Variants in ADAD2 observed in about 807,000 individuals in gnomAD.
The protein encoded by ADAD2 is adenosine deaminase domain containing 2.
In ADAD2, 60 loss-of-function variants were observed where a neutral mutation model predicts 54.5. The ratio of observed to expected loss-of-function variants is 1.10; its 90% CI spans 0.89 to 1.36. The LOEUF is 1.36. Among genes scored for constraint, ADAD2 ranks in the 40% most tolerant of loss-of-function variants. The probability of loss-of-function intolerance (pLI) is 0.00; values close to 1 mark genes in which losing one functional copy is unlikely to be tolerated. For missense variants in ADAD2, 1,103 were observed against 801.3 expected (o/e 1.38, Z -4.54); for synonymous variants, 543 against 366.2 (o/e 1.48, Z -5.51).
In ADAD2 at chr16:84,193,817, G is replaced by A. The variant is rs1285208363; in HGVS notation, c.419-625G>A. On this transcript the variant is annotated intron_variant, in intron 1 of 9. Transcript: ENST00000315906. ...CTGTTTAGAGCAGACAGATCTCAGC[G>A]CAGTGGGGAGTGCTGAAATGGGTTC... is the stretch of plus-strand genomic sequence containing the variant. 6.9e-6 allele frequency: 4 copies of A among 576,852 alleles called. No homozygotes were observed. In the East Asian group the frequency reaches 8.7e-5, roughly 13 times the overall value. 35.7% of individuals were successfully genotyped at this position (576,852 alleles called of 1,614,324 possible).
chr16:84,191,257 C>T lies in ADAD2; in HGVS notation c.27C>T (p.Asp9=), dbSNP rs746558486. 18 of 1,606,742 alleles carry T rather than the reference C, an allele frequency of 1.1e-5. No homozygotes were observed. Among genetic ancestry groups the T allele is most frequent in the African/African-American group, 4.0e-5 (3 of 74,890 alleles). The change falls in exon 1 of 10, where the codon GAC becomes GAT. Residue 9 remains aspartate (D), a synonymous_variant. Transcript: ENST00000315906. The part of the protein sequence containing the change: MASASQGA[D]DDGSRRKPRL... ...TGGCTTCGGCTTCTCAGGGCGCTGACGACGACGGCAGTCGTAGGAAGCCCC... is the reference window on the plus strand; with the variant it reads ...TGGCTTCGGCTTCTCAGGGCGCTGATGACGACGGCAGTCGTAGGAAGCCCC...
intron 1 of ADAD2, 199 bp from the exon 2 acceptor site, chr16:84,194,243 C>T (rs752405509): frequency 4.1e-5 from 63 of 1,554,598 alleles, no homozygotes; most frequent in South Asian, 3.5e-4. Flanking sequence ...GTTGAATCAG[C>T]GATGGGTCAC....
In ADAD2 at chr16:84,196,629, T is replaced by C. The variant is rs16962986; in HGVS notation, c.1527-18T>C. 0.038 allele frequency: 61,510 copies of C among 1,611,514 alleles called. 2,403 individuals are homozygous for C. Among genetic ancestry groups the C allele is most frequent in the African/African-American group, 0.19 (14,117 of 74,936 alleles). ...GCTTGTATCTCTCTGATCTCAGTGG[T>C]ATCCTCTCTTCATCCAGTGCCGCCC... On this transcript the variant is annotated intron_variant, in intron 8 of 9. Transcript: ENST00000315906.
Position 84,191,347 on chromosome 16 carries a change from C to G in ADAD2, c.117C>G (p.Ala39=). Residue 39 remains alanine (A), a synonymous_variant, in exon 1 of 10, where the codon GCC becomes GCG. Transcript: ENST00000315906. ...CCTGGCGACCGCTACCCGCCCAGGC[C>G]CAAAGTGCCTGGGGGCCCGCGCCCG... ...PRPWRPLPAQ[A]QSAWGPAPAP... is the part of the protein sequence containing the mutation. 6.4e-7 allele frequency: 1 copy of G among 1,571,314 alleles called. No homozygotes were observed. Among genetic ancestry groups the G allele is most frequent in the Non-Finnish European group, 8.6e-7 (1 of 1,161,164 alleles).
In ADAD2 at chr16:84,195,289, T is replaced by C. The variant is rs1449583195; in HGVS notation, c.734-7T>C. 6.2e-7 allele frequency: 1 copy of C among 1,612,164 alleles called. No homozygotes were observed. The highest frequency in any genetic ancestry group is 8.5e-7 in the Non-Finnish European group (1 of 1,179,890). On this transcript the variant is annotated splice_region_variant and splice_polypyrimidine_tract_variant and intron_variant, in intron 4 of 9. Coordinates refer to ENST00000315906, the MANE Select transcript of ADAD2 (RefSeq NM_001145400.2). ...AGGCTGGGCCGTCTCTGCCCCCTCC[T>C]GCACAGAGATCCCGCGTGCCAGGGG...
In ADAD2 at chr16:84,196,694, G is replaced by C. The variant is rs142962765; in HGVS notation, c.1574G>C (p.Arg525Pro). ...CGTCTCTGCAAGGCCTCCTTTCTCC[G>C]GGCCTTTCACCAGGCGGCCAGGGCT... ...PSRLCKASFL[R>P]AFHQAARAVG... is the part of the protein sequence containing the mutation. The change falls in exon 9 of 10, where the codon CGG (arginine) becomes CCG (proline). Residue 525 changes from arginine (R) to proline (P), a missense_variant. By Grantham distance (103) the Arg-to-Pro change is moderately radical. Transcript: ENST00000315906. 3.1e-6 allele frequency: 5 copies of C among 1,613,214 alleles called. No individual in the cohort carries two copies. The highest frequency in any genetic ancestry group is 1.1e-5 in the South Asian group (1 of 91,082).
At chr16:84,193,712 C>T (rs2089686545) in intron 1 of ADAD2, 1 of 310,392 alleles carries the variant, frequency 3.2e-6, no homozygotes, top group Admixed American at 4.5e-5. Context: ...GATTCAGTCG[C>T]TGTTAGGATG....
rs750319375 is a variant in ADAD2, at chr16:84,195,420, G to A, written c.858G>A (p.Leu286=). ...AGCAGCTCCACGACTGCCATGGCCT[G>A]GTCATCGCCCGCAGGGCCCTGCTGA... ...SGQQLHDCHG[L]VIARRALLRF... is the part of the protein sequence containing the mutation. The change falls in exon 5 of 10, where the codon CTG becomes CTA. Residue 286 remains leucine, a synonymous_variant. Transcript: ENST00000315906. The A allele has an allele frequency of 1.9e-6, 3 of 1,609,584 alleles. No homozygotes were observed. Among genetic ancestry groups the A allele is most frequent in the Admixed American group, 3.3e-5 (2 of 59,908 alleles).
chr16:84,191,591 A>G lies in ADAD2; in HGVS notation c.361A>G (p.Thr121Ala), dbSNP rs1388733359. The G allele has an allele frequency of 1.3e-6, 2 of 1,550,970 alleles. No homozygotes were observed. The highest frequency in any genetic ancestry group is 1.7e-6 in the Non-Finnish European group (2 of 1,147,560). Residue 121 changes from threonine to alanine, a missense_variant, in exon 1 of 10, where the codon ACG (threonine) becomes GCG (alanine). Transcript: ENST00000315906. ...TGCCAGCCAGGCCGTGTCCTTGCTC[A>G]CGGAGTACGCGGCCAGCCTGGGCAT... ...PPASQAVSLL[T>A]EYAASLGIFL...
chr16:84,195,017 G>A lies in ADAD2; in HGVS notation c.607+37G>A, dbSNP rs776555674. The stretch of plus-strand genomic sequence containing the variant: ...TTCCCGGACCCAGGCTTGTAGTGTC[G>A]AGGGGAGAGGCGTGGGCCCCCTTCT... On this transcript the variant is annotated intron_variant, in intron 3 of 9. Coordinates refer to ENST00000315906, the MANE Select transcript of ADAD2 (RefSeq NM_001145400.2). The A allele has an allele frequency of 1.4e-5, 22 of 1,612,482 alleles. No individual in the cohort carries two copies. In the Admixed American group the frequency reaches 1.5e-4, roughly 11 times the overall value.
chr16:84,195,498 C>T (rs1236221223), intron 5 of ADAD2, 32 bp from the exon 6 acceptor site: 1 of 1,604,244 alleles, frequency 6.2e-7, no homozygotes, highest in Non-Finnish European at 8.5e-7. Context: ...AGGACAAGGT[C>T]TTCCCAACCA....
chr16:84,192,978 G>A (rs1315233665), intron 1 of ADAD2: 1 of 151,940 alleles, frequency 6.6e-6, no homozygotes, highest in African/African-American at 2.4e-5. Context: ...CCGAGTAGCT[G>A]GAATGACAGA....
Position 84,196,965 on chromosome 16 carries a change from C to G in ADAD2, c.1743C>G (p.Phe581Leu). The change falls in exon 10 of 10, where the codon TTC (phenylalanine) becomes TTG (leucine). Residue 581 changes from phenylalanine to leucine, a missense_variant. Physicochemically the swap from Phe to Leu is conservative, Grantham distance 22. Transcript: ENST00000315906. ...AWPSKPLVGKFRN is the reference protein window; with the variant it reads ...AWPSKPLVGKLRN ...CCTCGAAGCCACTGGTGGGCAAATT[C>G]AGAAACTGAAGCCAGCCTCGGCGGG... 1 of 1,602,424 alleles carries G rather than the reference C, an allele frequency of 6.2e-7. No individual in the cohort carries two copies. The highest frequency in any genetic ancestry group is 8.5e-7 in the Non-Finnish European group (1 of 1,175,782).
Position 84,194,595 on chromosome 16 carries a change from G to C in ADAD2, c.559+13G>C. The C allele has an allele frequency of 1.3e-6, 2 of 1,594,908 alleles. No individual in the cohort carries two copies. Among genetic ancestry groups the C allele is most frequent in the Non-Finnish European group, 8.5e-7 (1 of 1,170,550 alleles). On this transcript the variant is annotated intron_variant, in intron 2 of 9. Transcript: ENST00000315906. ...CTGGAGAACCCAGGTAATGGAGGGA[G>C]GGCCAGGCAGCTGAGCCGCAGCTGG...
chr16:84,196,584 G>A (rs373603715), intron 8 of ADAD2, 63 bp from the exon 9 acceptor site: 1 of 1,590,722 alleles, frequency 6.3e-7, no homozygotes, highest in Non-Finnish European at 8.6e-7. Flanking sequence ...TGTGAGGTGT[G>A]TAGCAGGCCT....
rs146849414 is a variant in ADAD2, at chr16:84,196,755, C to T, written c.1635C>T (p.Tyr545=). 57 of 1,611,642 alleles carry T rather than the reference C, an allele frequency of 3.5e-5. No individual in the cohort carries two copies. Among genetic ancestry groups the T allele is most frequent in the African/African-American group, 2.8e-4 (21 of 74,896 alleles). ...CCTACCTCCTGGCCTTGAAGACCTA[C>T]GAGGCTGCCAAGGTTGGTTCCCCAC... ...GKPYLLALKT[Y]EAAKAGPYQE... The change falls in exon 9 of 10, where the codon TAC becomes TAT. Residue 545 remains tyrosine, a synonymous_variant. Coordinates refer to ENST00000315906, the MANE Select transcript of ADAD2 (RefSeq NM_001145400.2).
rs149198673 is a variant in ADAD2, at chr16:84,196,031, C to T, written c.1269C>T (p.Thr423=). 215 of 1,599,234 alleles carry T rather than the reference C, an allele frequency of 1.3e-4. No individual in the cohort carries two copies. The highest frequency in any genetic ancestry group is 1.1e-3 in the Admixed American group (66 of 60,010). The change falls in exon 7 of 10, where the codon ACC becomes ACT. Residue 423 remains threonine, a synonymous_variant. Transcript: ENST00000315906. ...ACCTGGTGTCCCCACTCTACAGCAC[C>T]AGCCTCATCCTGGGTGAGCACGTGG... ...LAHLVSPLYS[T]SLILADSCHD...
Position 84,191,522 on chromosome 16 carries a change from C to A in ADAD2, c.292C>A (p.Pro98Thr). The change falls in exon 1 of 10, where the codon CCT becomes ACT. Residue 98 changes from proline (P) to threonine (T), a missense_variant. Pro to Thr is a conservative substitution (Grantham distance 38, BLOSUM62 -1). Transcript: ENST00000315906. ...ACAGATGGGGAAGGCCCCGAGGGTC[C>A]CTGTGCCCCCAGCAGGGCTCAGCCT... ...GEQMGKAPRVPVPPAGLSLPL... is the reference protein window; with the variant it reads ...GEQMGKAPRVTVPPAGLSLPL... The A allele has an allele frequency of 6.5e-7, 1 of 1,545,938 alleles. No individual in the cohort carries two copies. Among genetic ancestry groups the A allele is most frequent in the Non-Finnish European group, 8.7e-7 (1 of 1,146,530 alleles).
Position 84,196,152 on chromosome 16 carries a change from T to C in ADAD2, c.1308T>C (p.Thr436=), listed in dbSNP as rs2089727150. The C allele has an allele frequency of 6.2e-7, 1 of 1,604,938 alleles. No homozygotes were observed. The highest frequency in any genetic ancestry group is 2.2e-5 in the East Asian group (1 of 44,766). Residue 436 remains threonine (T), a synonymous_variant, in exon 8 of 10, where the codon ACT becomes ACC. Transcript: ENST00000315906. ...CTGACTCATGCCACGACCCTCCGAC[T>C]CTGAGCAGGGCCATCCACACCCGGC... ...ILADSCHDPP[T]LSRAIHTRPC...
Sources: gnomAD v4.1 joint callset for allele counts on GRCh38, gnomAD v4.1.1 for gene constraint, MANE v1.5 for transcripts, NCBI Gene and HGNC (gene_info 2026-07-23, HGNC 2026-07-21) for gene names.